Variants in PLEKHH2 observed in about 807,000 individuals in gnomAD.
PLEKHH2 encodes the protein pleckstrin homology domain-containing family H member 2.
A neutral mutation model predicts 187.9 loss-of-function variants in PLEKHH2; 129 were observed. The ratio of observed to expected loss-of-function variants is 0.69; its 90% CI spans 0.59 to 0.79. PLEKHH2 has a LOEUF of 0.79. Ranked by LOEUF, PLEKHH2 falls within the 30% of genes least tolerant of loss-of-function variation. PLEKHH2 has a pLI of 0.00. For synonymous variants in PLEKHH2, 686 were observed against 605.6 expected (o/e 1.13, Z -1.95); for missense variants, 2,076 against 1,751.2 (o/e 1.19, Z -3.31).
chr2:43,701,142 A>G (rs1466806710), intron 8 of PLEKHH2, among the ~76,000 whole-genome samples: 1 of 152,242 alleles, frequency 6.6e-6, no homozygotes, highest in African/African-American at 2.4e-5. Flanking sequence ...TGAGCTTTCT[A>G]ATACTGAACT....
chr2:43,745,984 A>T, intron 24 of PLEKHH2, 21 bp downstream of exon 24: 2 of 1,486,436 alleles, frequency 1.3e-6, no homozygotes, highest in Non-Finnish European at 1.9e-6. Flanking sequence ...CTGCATCCAG[A>T]TGCCAAAGTA....
intron 7 of PLEKHH2, among the ~76,000 whole-genome samples, chr2:43,698,186 A>G (rs1393492182): frequency 1.3e-5 from 2 of 151,994 alleles, no homozygotes; most frequent in African/African-American, 4.8e-5. Flanking sequence ...ACATTTTCCA[A>G]TCCGAAGGCT....
In PLEKHH2 at chr2:43,692,519, A is replaced by G. The variant is rs1415235809; in HGVS notation, c.192A>G (p.Gln64=). Residue 64 remains glutamine, a synonymous_variant, in exon 4 of 30, where the codon CAA becomes CAG. Coordinates refer to ENST00000282406, the MANE Select transcript of PLEKHH2 (RefSeq NM_172069.4). ...RQAEKAFQQV[Q]VMEDKLKAAN... The stretch of plus-strand genomic sequence containing the variant: ...ATTTTATCCTTTGAATTTAGGTACA[A>G]GTTATGGAAGATAAATTAAAAGCAG... 6.4e-7 allele frequency: 1 copy of G among 1,569,286 alleles called. No individual in the cohort carries two copies. The highest frequency in any genetic ancestry group is 8.7e-7 in the Non-Finnish European group (1 of 1,144,734).
intron 23 of PLEKHH2, chr2:43,744,242 AT>A: frequency 1.3e-6 from 1 of 761,036 alleles, no homozygotes; most frequent in Non-Finnish European, 1.8e-6. Context: ...TACTCTAAGT[AT>A]TAGGATAATA....
rs2104485996 is a variant in PLEKHH2 at position 43,700,341 on chromosome 2, A to G, written c.1383A>G (p.Pro461=). The change falls in exon 8 of 30, where the codon CCA becomes CCG. Residue 461 remains proline (P), a synonymous_variant. Transcript: ENST00000282406. ...VALAKRHLSQ[P]QLSSDRMFGT... ...TAGCCAAAAGGCACTTAAGCCAGCC[A>G]CAGTTAAGCTCTGACAGGATGTTTG... The G allele has an allele frequency of 6.2e-7, 1 of 1,614,162 alleles. No individual in the cohort carries two copies. The highest frequency in any genetic ancestry group is 8.5e-7 in the Non-Finnish European group (1 of 1,180,010).
rs1452924799 is a variant in PLEKHH2, at chr2:43,684,827, A to AG, written c.186+5902_186+5903insG. Among the ~76,000 whole-genome samples the AG allele has an allele frequency of 5.8e-3, 874 of 151,136 alleles. 13 individuals are homozygous for AG. The highest frequency in any genetic ancestry group is 0.021 in the African/African-American group (832 of 40,544). On this transcript the variant is annotated intron_variant, in intron 3 of 29. Coordinates refer to ENST00000282406, the MANE Select transcript of PLEKHH2 (RefSeq NM_172069.4). The stretch of plus-strand genomic sequence containing the variant: ...ACTGCTACTCCCATTACCAAAAAAA[A>AG]AAAAAAAAAGAGAGAGAATTACAAA...
In PLEKHH2 at chr2:43,762,294, C is replaced by T. The variant is rs748297250; in HGVS notation, c.4072-10C>T. ...TATTTATAATATAGTGTATTTTCAC[C>T]TCTTCATAGCCCATAACTCCATCAT... is the stretch of plus-strand genomic sequence containing the variant. On this transcript the variant is annotated splice_polypyrimidine_tract_variant and intron_variant, in intron 27 of 29. Transcript: ENST00000282406. 6.3e-7 allele frequency: 1 copy of T among 1,595,168 alleles called. No homozygotes were observed. The highest frequency in any genetic ancestry group is 1.1e-5 in the South Asian group (1 of 90,380).
intron 3 of PLEKHH2, among the ~76,000 whole-genome samples, chr2:43,691,536 A>C (rs1668795761): frequency 6.6e-6 from 1 of 152,230 alleles, no homozygotes; most frequent in African/African-American, 2.4e-5. Context: ...ACGGGAAGGC[A>C]GGTTCTCAAT....
At chr2:43,754,256 G>C (rs1221630206) in intron 25 of PLEKHH2, among the ~76,000 whole-genome samples, 2 of 151,610 alleles carry the variant, frequency 1.3e-5, no homozygotes, top group Non-Finnish European at 2.9e-5. Flanking sequence ...CGCTCACATA[G>C]AGAGCGAGGC....
intron 6 of PLEKHH2, among the ~76,000 whole-genome samples, chr2:43,696,928 G>T (rs114643622): frequency 4.1e-4 from 63 of 152,186 alleles, no homozygotes; most frequent in African/African-American, 1.3e-3. Context: ...AAAGGGATTA[G>T]ATATTTTTCT....
rs1672658930 is a variant in PLEKHH2, at chr2:43,767,423, C to T, written c.*1825C>T. On this transcript the variant is annotated 3_prime_UTR_variant, in exon 30 of 30. Coordinates refer to ENST00000282406, the MANE Select transcript of PLEKHH2 (RefSeq NM_172069.4). ...ATGACAAAAAGAATATTTTTTAAAC[C>T]CCATCAAAATAGATTTCAATTGACT... 6.6e-6 allele frequency: 1 copy of T among 152,114 alleles called. No individual in the cohort carries two copies. Among genetic ancestry groups the T allele is most frequent in the Non-Finnish European group, 1.5e-5 (1 of 67,988 alleles). The allele number at this position is 152,114 out of a possible 1,614,324, so 9.4% of individuals were successfully genotyped here.
intron 1 of PLEKHH2, among the ~76,000 whole-genome samples, chr2:43,642,218 T>G (rs1665972953): frequency 6.6e-6 from 1 of 152,184 alleles, no homozygotes; most frequent in Non-Finnish European, 1.5e-5. Flanking sequence ...CCTAAATATT[T>G]TATTAGTTTT....
intron 1 of PLEKHH2, among the ~76,000 whole-genome samples, chr2:43,637,644 C>T (rs762112209): frequency 2.0e-5 from 3 of 152,104 alleles, no homozygotes; most frequent in African/African-American, 7.2e-5. Context: ...CCCTCGCGCC[C>T]GTGGGCTCCC....
chr2:43,641,977 G>A (rs1303667117), intron 1 of PLEKHH2, among the ~76,000 whole-genome samples: 1 of 152,096 alleles, frequency 6.6e-6, no homozygotes, highest in East Asian at 1.9e-4. Flanking sequence ...TGAATTTCCA[G>A]GCAAAGTTTG....
rs1018283321 is a variant in PLEKHH2 at position 43,674,475 on chromosome 2, T to G, written c.124-4388T>G. ...ATATTCTAGAGACATCCAAAAGACT[T>G]AATGCTTGTCCAGCTGCTTCTATAT... is the stretch of plus-strand genomic sequence containing the variant. On this transcript the variant is annotated intron_variant, in intron 2 of 29. Coordinates refer to ENST00000282406, the MANE Select transcript of PLEKHH2 (RefSeq NM_172069.4). 4.6e-5 allele frequency among the ~76,000 whole-genome samples: 7 copies of G among 152,336 alleles called. No individual in the cohort carries two copies. The East Asian group carries it at 5.8e-4, about 13-fold the overall frequency.
intron 25 of PLEKHH2, among the ~76,000 whole-genome samples, chr2:43,755,206 G>A (rs1023784202): frequency 4.6e-5 from 7 of 151,856 alleles, no homozygotes; most frequent in African/African-American, 1.5e-4. Context: ...ACTAATCATC[G>A]TCCCTCCTCT....
chr2:43,654,177 T>C (rs1666626850), intron 2 of PLEKHH2, among the ~76,000 whole-genome samples: 1 of 152,130 alleles, frequency 6.6e-6, no homozygotes, highest in African/African-American at 2.4e-5. Flanking sequence ...CTTTTGGAAG[T>C]AGTTGACATT....
chr2:43,725,396 G>A (rs1349122769), intron 16 of PLEKHH2, among the ~76,000 whole-genome samples: 2 of 152,200 alleles, frequency 1.3e-5, no homozygotes, highest in East Asian at 3.9e-4. Context: ...TTGTACAAGT[G>A]TGGAGTTTGG....
At chr2:43,692,392 T>G in intron 3 of PLEKHH2, 122 bp from the exon 4 acceptor site, 1 of 740,592 alleles carries the variant, frequency 1.4e-6, no homozygotes, top group Non-Finnish European at 2.2e-6. Context: ...AACCTTGCTG[T>G]TTAATATTTT....
Sources: allele counts gnomAD v4.1 joint callset (sites outside exome capture counted in the v4.1 genomes callset), GRCh38; gene constraint gnomAD v4.1.1; transcripts MANE v1.5; gene names NCBI Gene and HGNC (gene_info 2026-07-23, HGNC 2026-07-21).